The following EPB41L4A variants were observed in gnomAD, a reference collection of about 807,000 sequenced individuals.
EPB41L4A encodes the protein erythrocyte membrane protein band 4.1 like 4A.
In EPB41L4A, 100 loss-of-function variants were observed where a neutral mutation model predicts 108.6. The ratio of observed to expected loss-of-function variants is 0.92; its 90% confidence interval spans 0.78 to 1.09. The LOEUF is 1.09. Ranked by LOEUF, EPB41L4A falls within the 50% of genes least tolerant of loss-of-function variation. EPB41L4A has a pLI of 0.00. For synonymous variants in EPB41L4A, 319 were observed against 289.0 expected, an observed-to-expected ratio of 1.10 and a Z score of -1.05; for missense variants, 1,030 against 842.7, an observed-to-expected ratio of 1.22 and a Z score of -2.75.
intron 12 of EPB41L4A, among the ~76,000 whole-genome samples, chr5:112,219,888 G>A (rs902937631): frequency 2.0e-5 from 3 of 152,084 alleles, no homozygotes; most frequent in Non-Finnish European, 2.9e-5. Flanking sequence ...TAGAGATAGG[G>A]TTTCACCATG....
intron 20 of EPB41L4A, 101 bp downstream of exon 20, chr5:112,170,200 A>G: frequency 1.7e-6 from 2 of 1,199,838 alleles, no homozygotes; most frequent in Non-Finnish European, 1.2e-6. Context: ...TAAAATGTAA[A>G]GACAAATTAA....
intron 18 of EPB41L4A, among the ~76,000 whole-genome samples, chr5:112,177,700 T>C (rs556804137): frequency 6.6e-6 from 1 of 151,330 alleles, no homozygotes; most frequent in Non-Finnish European, 1.5e-5. Context: ...AGTGGAGCTA[T>C]ATTTTTCCAA....
Position 112,266,076 on chromosome 5 carries a change from A to C in EPB41L4A, c.433+157T>G, listed in dbSNP as rs1316740264. On this transcript the variant is annotated intron_variant, in intron 5 of 22. Transcript: ENST00000261486. ...TAGGCTCCACTTTTACCTGTTCCGA[A>C]GGAACACTGAACAAAACTTGAATTC... 2.0e-5 allele frequency among the ~76,000 whole-genome samples: 3 copies of C among 152,234 alleles called. No homozygotes were observed. In the East Asian group the frequency reaches 5.8e-4, roughly 29 times the overall value.
In EPB41L4A at chr5:112,147,369, G is replaced by C. The variant is rs141371414; in HGVS notation, n.995-1371C>G. Among the ~76,000 whole-genome samples the C allele has an allele frequency of 4.3e-3, 655 of 152,282 alleles. 10 individuals are homozygous for C. The South Asian group carries it at 0.048, about 11-fold the overall frequency. ...GATTAGCAAATCTGAGCCGGGTGCG[G>C]TGACTCACGCCTGTAATCCCAGCAC... On this transcript the variant is annotated intron_variant and non_coding_transcript_variant, in intron 12 of 13. Transcript: ENST00000507810.
At chr5:112,271,954 G>T (rs1752285168) in intron 4 of EPB41L4A, among the ~76,000 whole-genome samples, 1 of 152,056 alleles carries the variant, frequency 6.6e-6, no homozygotes, top group Non-Finnish European at 1.5e-5. Flanking sequence ...AAACATCTTA[G>T]AACACAAGCG....
chr5:112,172,835 G>A (rs1760661105), intron 18 of EPB41L4A, among the ~76,000 whole-genome samples: 1 of 152,184 alleles, frequency 6.6e-6, no homozygotes, highest in Non-Finnish European at 1.5e-5. Flanking sequence ...AGGTATGATA[G>A]TGGGCATATC....
chr5:112,217,354 G>GT (rs1278781757), intron 12 of EPB41L4A, among the ~76,000 whole-genome samples: 1 of 152,186 alleles, frequency 6.6e-6, no homozygotes, highest in African/African-American at 2.4e-5. Flanking sequence ...ATGGCTAATT[G>GT]TTTAAGTTCA....
chr5:112,246,272 T>C (rs1429507702), intron 9 of EPB41L4A, among the ~76,000 whole-genome samples: 1 of 152,178 alleles, frequency 6.6e-6, no homozygotes, highest in African/African-American at 2.4e-5. Flanking sequence ...CAGCGGTTCC[T>C]TAAGATTATA....
intron 1 of EPB41L4A, among the ~76,000 whole-genome samples, chr5:112,382,320 G>A (rs1367692138): frequency 6.6e-6 from 1 of 152,092 alleles, no homozygotes; most frequent in Non-Finnish European, 1.5e-5. Flanking sequence ...ACCAATAATG[G>A]TTAGAAAAGA....
At chr5:112,171,993 C>T (rs1351989191) in intron 18 of EPB41L4A, among the ~76,000 whole-genome samples, 3 of 152,264 alleles carry the variant, frequency 2.0e-5, no homozygotes, top group South Asian at 4.1e-4. Flanking sequence ...GGCACCACTA[C>T]GGTATTCTGG....
At chr5:112,362,417 A>T (rs1736682477) in intron 1 of EPB41L4A, among the ~76,000 whole-genome samples, 1 of 151,578 alleles carries the variant, frequency 6.6e-6, no homozygotes, top group South Asian at 2.1e-4. Context: ...AGTAGCTGGG[A>T]TTACAGGTAT....
chr5:112,346,956 G>A (rs1057233969), intron 1 of EPB41L4A, among the ~76,000 whole-genome samples: 2 of 152,140 alleles, frequency 1.3e-5, no homozygotes, highest in Non-Finnish European at 2.9e-5. Flanking sequence ...CTGGGAGTAG[G>A]CGCCCAATAT....
At chr5:112,405,154 T>C (rs1195305390) in intron 1 of EPB41L4A, among the ~76,000 whole-genome samples, 1 of 152,184 alleles carries the variant, frequency 6.6e-6, no homozygotes, top group Admixed American at 6.5e-5. Flanking sequence ...TCATATTCTC[T>C]CGGGTCACTT....
At chr5:112,287,593 G>A (rs578039440) in intron 2 of EPB41L4A, among the ~76,000 whole-genome samples, 1 of 152,006 alleles carries the variant, frequency 6.6e-6, no homozygotes, top group African/African-American at 2.4e-5. Flanking sequence ...GTTTCCTTTC[G>A]CACTCAAAGT....
chr5:112,275,405 C>A lies in EPB41L4A; in HGVS notation c.257-1G>T. ...AAATACAAAGTATATGGAGGTCCAG[C>A]TAAAATAAGAAATAGAAATTAAATT... On this transcript the variant is annotated splice_acceptor_variant, in intron 3 of 22. Transcript: ENST00000261486. LOFTEE classifies it high-confidence loss of function. 1 of 1,533,044 alleles carries A rather than the reference C, an allele frequency of 6.5e-7. No individual in the cohort carries two copies. Among genetic ancestry groups the A allele is most frequent in the Non-Finnish European group, 8.8e-7 (1 of 1,134,722 alleles). The allele number at this position is 1,533,044 out of a possible 1,614,324, so 95.0% of individuals were successfully genotyped here.
At chr5:112,329,783 G>A (rs1756430544) in intron 1 of EPB41L4A, among the ~76,000 whole-genome samples, 1 of 151,914 alleles carries the variant, frequency 6.6e-6, no homozygotes, top group Admixed American at 6.6e-5. Flanking sequence ...CCATTGTGGG[G>A]GAAATACTTT....
Position 112,194,568 on chromosome 5 carries a change from C to A in EPB41L4A, c.1502G>T (p.Arg501Ile). 1 of 1,554,180 alleles carries A rather than the reference C, an allele frequency of 6.4e-7. No homozygotes were observed. The highest frequency in any genetic ancestry group is 1.1e-5 in the South Asian group (1 of 87,176). Reference sequence around the variant, plus strand: ...GTTAATTATAATATTGAGATATTACCTGTTTCTCTTTTTCCGGTATTCTCT... The same window carrying A: ...GTTAATTATAATATTGAGATATTACATGTTTCTCTTTTTCCGGTATTCTCT... ...SNREYRKKRN[R>I]IRQENDMVDS... Residue 501 changes from arginine to isoleucine, a missense_variant and splice_region_variant, in exon 17 of 23, where the codon AGA becomes ATA. By Grantham distance (97) the Arg-to-Ile change is moderately conservative (BLOSUM62 -3). Coordinates refer to ENST00000261486, the MANE Select transcript of EPB41L4A (RefSeq NM_022140.5).
At position 112,385,340 on chromosome 5, in the gene EPB41L4A, T is replaced by G. The variant is rs181993126; in HGVS notation, c.99+33601A>C. The stretch of plus-strand genomic sequence containing the variant: ...TAAAAGGCATAAAAAAGTATGGGCA[T>G]AGTATGGAAAACCATTACAGAGAGG... On this transcript the variant is annotated intron_variant, in intron 1 of 22. Coordinates refer to ENST00000261486, the MANE Select transcript of EPB41L4A (RefSeq NM_022140.5). Among the ~76,000 whole-genome samples the G allele has an allele frequency of 3.9e-3, 592 of 152,218 alleles. 2 individuals are homozygous for G. The highest frequency in any genetic ancestry group is 0.017 in the Middle Eastern group (5 of 294).
chr5:112,280,399 A>G, intron 2 of EPB41L4A, 76 bp from the exon 3 acceptor site: 2 of 1,336,668 alleles, frequency 1.5e-6, no homozygotes, highest in Non-Finnish European at 2.2e-6. Flanking sequence ...TATTTGCAAA[A>G]TGTTATTTAA....
Sources: gnomAD v4.1 joint callset for allele counts (sites outside exome capture counted in the v4.1 genomes callset) on GRCh38, gnomAD v4.1.1 for gene constraint, MANE v1.5 for transcripts, NCBI Gene and HGNC (gene_info 2026-07-23, HGNC 2026-07-21) for gene names.